The following FANCE variants were observed in gnomAD, a reference collection of about 807,000 sequenced individuals.
FANCE encodes the protein FA complementation group E, also known as Fanconi anemia group E protein.
Under a neutral mutation model 57.8 loss-of-function variants are expected in FANCE, and 42 were observed. That is an observed-to-expected ratio of 0.73 (90% confidence interval 0.57 to 0.94). FANCE has a LOEUF of 0.94. Ranked by LOEUF, FANCE falls within the 40% of genes least tolerant of loss-of-function variation. FANCE has a pLI of 0.00. For missense variants in FANCE, 608 were observed against 661.8 expected (o/e 0.92, Z 0.89); for synonymous variants, 251 against 286.4 (o/e 0.88, Z 1.25).
chr6:35,460,523 C>A (rs367566975), intron 7 of FANCE, 29 bp from the exon 8 acceptor site: 1 of 1,608,292 alleles, frequency 6.2e-7, no homozygotes, highest in Non-Finnish European at 8.5e-7. Context: ...GGAGGCCAGG[C>A]ATTTTTCACT....
In FANCE at chr6:35,466,261, G is replaced by A; in HGVS notation, c.1527G>A (p.Arg509=). 3 of 1,612,086 alleles carry A rather than the reference G, an allele frequency of 1.9e-6. No homozygotes were observed. The highest frequency in any genetic ancestry group is 2.5e-6 in the Non-Finnish European group (3 of 1,178,108). ...CTCCCCAGATCACTGAGACCCAGAGGCTGGGCCTGGCTATGGCCCTAGAAC... is the reference window on the plus strand; with the variant it reads ...CTCCCCAGATCACTGAGACCCAGAGACTGGGCCTGGCTATGGCCCTAGAAC... The part of the protein sequence containing the change: ...KYQANITETQ[R]LGLAMALEPN... The change falls in exon 10 of 10, where the codon AGG becomes AGA. Residue 509 remains arginine (R), a synonymous_variant. Transcript: ENST00000229769.
intron 8 of FANCE, among the ~76,000 whole-genome samples, chr6:35,462,307 A>G (rs1337824928): frequency 2.6e-5 from 4 of 151,584 alleles, no homozygotes; most frequent in African/African-American, 7.3e-5. Flanking sequence ...GGATTTCACC[A>G]TGTTGGCCAG....
intron 9 of FANCE, among the ~76,000 whole-genome samples, chr6:35,463,821 A>G (rs1423381027): frequency 6.6e-6 from 1 of 151,852 alleles, no homozygotes; most frequent in Non-Finnish European, 1.5e-5. Context: ...ACGCCTGGCT[A>G]ATTTTTTGTA....
chr6:35,460,864 T>C (rs1767561802), intron 8 of FANCE, among the ~76,000 whole-genome samples: 1 of 152,000 alleles, frequency 6.6e-6, no homozygotes, highest in African/African-American at 2.4e-5. Context: ...GGATTTTTGA[T>C]GTGTGTGTGT....
chr6:35,463,019 G>A (rs2150901877), intron 9 of FANCE, 105 bp downstream of exon 9: 3 of 1,502,798 alleles, frequency 2.0e-6, no homozygotes, highest in South Asian at 2.3e-5. Flanking sequence ...CCTGAGTGCT[G>A]GCCAGGCACG....
chr6:35,457,757 G>T lies in FANCE; in HGVS notation c.900+157G>T, dbSNP rs77950394. 2.3e-3 allele frequency among the ~76,000 whole-genome samples: 356 copies of T among 152,290 alleles called. 1 individual carries two copies. The highest frequency in any genetic ancestry group is 4.0e-3 in the Non-Finnish European group (270 of 68,026). ...GACAGTCTCTGAAGGAGCTTTTCTT[G>T]AACCAAGTGTAGACTTACCATCTAA... On this transcript the variant is annotated intron_variant, in intron 3 of 9. Transcript: ENST00000229769.
intron 5 of FANCE, among the ~76,000 whole-genome samples, chr6:35,458,852 C>G (rs1767468188): frequency 6.6e-6 from 1 of 152,088 alleles, no homozygotes; most frequent in Admixed American, 6.6e-5. Flanking sequence ...GCAATCTTGG[C>G]TCACTGCGAC....
At chr6:35,459,006 C>T (rs934590984) in intron 5 of FANCE, among the ~76,000 whole-genome samples, 1 of 152,108 alleles carries the variant, frequency 6.6e-6, no homozygotes, top group Non-Finnish European at 1.5e-5. Flanking sequence ...GTCTCGAACT[C>T]CTGGCCTCAA....
intron 8 of FANCE, 96 bp from the exon 9 acceptor site, chr6:35,462,693 T>C (rs1002310269): frequency 5.4e-5 from 84 of 1,554,702 alleles, no homozygotes; most frequent in Non-Finnish European, 7.2e-5. Context: ...GTCACCTAGC[T>C]AGGAAGTGGT....
At position 35,462,915 on chromosome 6, in the gene FANCE, G is replaced by A. The variant is rs745877509; in HGVS notation, c.1509+1G>A. On this transcript the variant is annotated splice_donor_variant, in intron 9 of 9. Transcript: ENST00000229769. LOFTEE classifies it high-confidence loss of function. Reference sequence around the variant, plus strand: ...AGTGATGACCAAGTATCAGGCTAACGTGAGTATTGATAGGGCCTTGGGGCT... The same window carrying A: ...AGTGATGACCAAGTATCAGGCTAACATGAGTATTGATAGGGCCTTGGGGCT... 1.2e-6 allele frequency: 2 copies of A among 1,614,056 alleles called. No homozygotes were observed. The highest frequency in any genetic ancestry group is 1.7e-6 in the Non-Finnish European group (2 of 1,180,002).
chr6:35,457,965 A>C lies in FANCE; in HGVS notation c.950A>C (p.His317Pro), dbSNP rs1208695540. Residue 317 changes from histidine (H) to proline (P), a missense_variant, in exon 4 of 10, where the codon CAC becomes CCC. Physicochemically the swap from His to Pro is moderately conservative, Grantham distance 77. Transcript: ENST00000229769. The stretch of plus-strand genomic sequence containing the variant: ...CCCCCAGTTGAGCTACAGCTTCTTC[A>C]CGAATGTAGTCCCAGCCAGGTGAGT... Reference protein sequence around the residue: ...DAPPVELQLLHECSPSQMDLL... With the variant: ...DAPPVELQLLPECSPSQMDLL... The C allele has an allele frequency of 6.2e-7, 1 of 1,614,166 alleles. No homozygotes were observed. Among genetic ancestry groups the C allele is most frequent in the South Asian group, 1.1e-5 (1 of 91,084 alleles).
intron 1 of FANCE, among the ~76,000 whole-genome samples, chr6:35,454,640 C>T (rs1767252394): frequency 6.6e-6 from 1 of 152,192 alleles, no homozygotes; most frequent in Non-Finnish European, 1.5e-5. Context: ...GCCTCTGGAG[C>T]TCTGGGGAAT....
chr6:35,457,552 A>G lies in FANCE; in HGVS notation c.856-4A>G. On this transcript the variant is annotated splice_polypyrimidine_tract_variant and splice_region_variant and intron_variant, in intron 2 of 9. Coordinates refer to ENST00000229769, the MANE Select transcript of FANCE (RefSeq NM_021922.3). ...CGTAGCAGTGACTGGGCTCTCCTCCACAGGACCAGCTTCCCAGGCTGCAGC... is the reference window on the plus strand; with the variant it reads ...CGTAGCAGTGACTGGGCTCTCCTCCGCAGGACCAGCTTCCCAGGCTGCAGC... 1 of 1,613,802 alleles carries G rather than the reference A, an allele frequency of 6.2e-7. No individual in the cohort carries two copies. The highest frequency in any genetic ancestry group is 8.5e-7 in the Non-Finnish European group (1 of 1,180,018).
At position 35,462,768 on chromosome 6, in the gene FANCE, T is replaced by A. The variant is rs772303306; in HGVS notation, c.1384-21T>A. 64 of 1,613,846 alleles carry A rather than the reference T, an allele frequency of 4.0e-5. No individual in the cohort carries two copies. In the Admixed American group the frequency reaches 1.1e-3, roughly 27 times the overall value. ...CCCAAGCCTTTCTTGTGATTACTGC[T>A]CCATCTCCCAATGTGTGCAGGTGGA... On this transcript the variant is annotated intron_variant, in intron 8 of 9. Coordinates refer to ENST00000229769, the MANE Select transcript of FANCE (RefSeq NM_021922.3).
In FANCE at chr6:35,467,074, A is replaced by G. The variant is rs886061334; in HGVS notation, c.*729A>G. ...TGTTTCTGACTTGAATAATTTATCA[A>G]TGGTGTTGAATAAAAGCAAGTTCAA... On this transcript the variant is annotated 3_prime_UTR_variant, in exon 10 of 10. Coordinates refer to ENST00000229769, the MANE Select transcript of FANCE (RefSeq NM_021922.3). 3 of 203,498 alleles carry G rather than the reference A, an allele frequency of 1.5e-5. No individual in the cohort carries two copies. The highest frequency in any genetic ancestry group is 7.4e-5 in the East Asian group (1 of 13,572). The allele number at this position is 203,498 out of a possible 1,614,324, so 12.6% of individuals were successfully genotyped here.
chr6:35,457,835 C>T (rs890605217), intron 3 of FANCE, 81 bp from the exon 4 acceptor site: 2 of 1,278,816 alleles, frequency 1.6e-6, no homozygotes, highest in African/African-American at 2.9e-5. Context: ...TCAGGCCACT[C>T]CTTCTGCCAC....
rs773913943 is a variant in FANCE at position 35,456,013 on chromosome 6, G to A, written c.515G>A (p.Gly172Asp). Residue 172 changes from glycine to aspartate, a missense_variant, in exon 2 of 10, where the codon GGC becomes GAC. Gly to Asp is a moderately conservative substitution (Grantham distance 94). Coordinates refer to ENST00000229769, the MANE Select transcript of FANCE (RefSeq NM_021922.3). The surrounding 1 kb of genome is among the most constrained non-coding windows in gnomAD (Gnocchi z 4.3). Reference sequence around the variant, plus strand: ...CTCCAAAGTCTATGTAGGGGGCTGGGCCTGGGGGGCAGGAGGTTGAAATCC... The same window carrying A: ...CTCCAAAGTCTATGTAGGGGGCTGGACCTGGGGGGCAGGAGGTTGAAATCC... The part of the protein sequence containing the change: ...RQLQSLCRGL[G>D]LGGRRLKSPQ... 1 of 1,612,722 alleles carries A rather than the reference G, an allele frequency of 6.2e-7. No homozygotes were observed. The highest frequency in any genetic ancestry group is 8.5e-7 in the Non-Finnish European group (1 of 1,179,644).
At chr6:35,455,643 CAGCCCCCATCTGTCCACCGCCATCT>C in intron 1 of FANCE, 79 bp from the exon 2 acceptor site, 1 of 1,391,648 alleles carries the variant, frequency 7.2e-7, no homozygotes, top group Non-Finnish European at 1.0e-6. Flanking sequence ...TACTGCGTGC[CAGCCCCCATCTGTCCACCGCCATCT>C]AGCCCCCAGC....
In FANCE at chr6:35,466,484, G is replaced by A; in HGVS notation, c.*139G>A. The A allele has an allele frequency of 1.4e-6, 1 of 712,774 alleles. No homozygotes were observed. The highest frequency in any genetic ancestry group is 1.5e-5 in the South Asian group (1 of 67,590). The allele number at this position is 712,774 out of a possible 1,614,324, so 44.2% of individuals were successfully genotyped here. ...CATCCCAGATTGCAACTGCCTCCCT[G>A]TTACAGGCTGCATAGGGAATATTGG... On this transcript the variant is annotated 3_prime_UTR_variant, in exon 10 of 10. Coordinates refer to ENST00000229769, the MANE Select transcript of FANCE (RefSeq NM_021922.3).
Sources: gnomAD v4.1 joint callset for allele counts (sites outside exome capture counted in the v4.1 genomes callset) on GRCh38, gnomAD v4.1.1 for gene constraint, Gnocchi (gnomAD v3.1) non-coding constraint, MANE v1.5 for transcripts, NCBI Gene and HGNC (gene_info 2026-07-23, HGNC 2026-07-21) for gene names.